The following CELSR1 variants were observed in gnomAD, a reference collection of about 807,000 sequenced individuals.
CELSR1 encodes adhesion G protein-coupled receptor C1.
In CELSR1, 110 loss-of-function variants were observed where a neutral mutation model predicts 249.1. The ratio of observed to expected loss-of-function variants is 0.44; its 90% CI spans 0.38 to 0.52. The LOEUF (loss-of-function observed/expected upper bound fraction) is 0.52, where lower values mean the gene tolerates loss of function less well. Ranked by LOEUF, CELSR1 falls within the 20% of genes least tolerant of loss-of-function variation. CELSR1 has a pLI of 0.00. For synonymous variants in CELSR1, 2,113 were observed against 1,900.0 expected (o/e 1.11, Z -2.92); for missense variants, 4,109 against 4,296.4 (o/e 0.96, Z 1.22).
intron 1 of CELSR1, chr22:46,481,537 G>T: frequency 7.6e-7 from 1 of 1,314,084 alleles, no homozygotes; most frequent in Non-Finnish European, 1.1e-6. Flanking sequence ...CAGCTCACTG[G>T]TGATCAAAGC....
Position 46,412,212 on chromosome 22 carries a change from GC to G in CELSR1, c.4612-454del, listed in dbSNP as rs1198794125. On this transcript the variant is annotated intron_variant, in intron 5 of 34. Transcript: ENST00000674500. The surrounding 1 kb of genome is among the most constrained non-coding windows in gnomAD (Gnocchi z 4.5). Reference sequence around the variant, plus strand: ...AAGGCAGGAAGGGTCCTCCCCTTCAGCCTTCGGAGGAGGCACGGCCCTACCC... The same window carrying G: ...AAGGCAGGAAGGGTCCTCCCCTTCAGCTTCGGAGGAGGCACGGCCCTACCC... Among the ~76,000 whole-genome samples the G allele has an allele frequency of 2.0e-5, 3 of 152,202 alleles. No individual in the cohort carries two copies. The highest frequency in any genetic ancestry group is 2.0e-4 in the Admixed American group (3 of 15,284).
At chr22:46,528,208 T>A (rs2080757468) in intron 1 of CELSR1, among the ~76,000 whole-genome samples, 1 of 152,108 alleles carries the variant, frequency 6.6e-6, no homozygotes, top group Non-Finnish European at 1.5e-5. Flanking sequence ...CCTACTTCCT[T>A]CTTTGCAATC....
Position 46,418,895 on chromosome 22 carries a change from G to C in CELSR1, c.4612-7136C>G, listed in dbSNP as rs114482612. Among the ~76,000 whole-genome samples the C allele has an allele frequency of 1.2e-3, 185 of 152,356 alleles. 2 individuals are homozygous for C. The highest frequency in any genetic ancestry group is 4.4e-3 in the African/African-American group (182 of 41,580). On this transcript the variant is annotated intron_variant, in intron 5 of 34. Transcript: ENST00000674500. The stretch of plus-strand genomic sequence containing the variant: ...AAAGTGAGGAGCTCTGTGCTTTCCT[G>C]ATGGACGTATACAGTACATTTGGAA...
At chr22:46,469,972 G>A (rs2147616062) in intron 1 of CELSR1, among the ~76,000 whole-genome samples, 1 of 144,922 alleles carries the variant, frequency 6.9e-6, no homozygotes, top group South Asian at 2.3e-4. Flanking sequence ...AGAAAGGGAG[G>A]GAGGGAGGAG....
chr22:46,367,716 G>T lies in CELSR1; in HGVS notation c.8079+13C>A, dbSNP rs767633474. The T allele has an allele frequency of 6.3e-7, 1 of 1,587,330 alleles. No individual in the cohort carries two copies. Among genetic ancestry groups the T allele is most frequent in the South Asian group, 1.2e-5 (1 of 86,924 alleles). ...CAGGCAGGGGTCCCGCGGGCAACTC[G>T]GCCGTCACCTACCTGTAAGCCGCTG... On this transcript the variant is annotated intron_variant, in intron 28 of 34. Coordinates refer to ENST00000674500, the MANE Select transcript of CELSR1 (RefSeq NM_001378328.1).
At position 46,440,793 on chromosome 22, in the gene CELSR1, T is replaced by C. The variant is rs891307632; in HGVS notation, c.4184-1382A>G. On this transcript the variant is annotated intron_variant, in intron 2 of 34. Coordinates refer to ENST00000674500, the MANE Select transcript of CELSR1 (RefSeq NM_001378328.1). This position sits in a 1 kb window ranked among gnomAD's most constrained non-coding sequence, Gnocchi z 4.7. Reference sequence around the variant, plus strand: ...TGTATTTGTAGCCCCACAGAAATTTTTTGTCTGTATGTGATCATATTTATC... The same window carrying C: ...TGTATTTGTAGCCCCACAGAAATTTCTTGTCTGTATGTGATCATATTTATC... 1.3e-5 allele frequency among the ~76,000 whole-genome samples: 2 copies of C among 152,208 alleles called. No homozygotes were observed. Among genetic ancestry groups the C allele is most frequent in the Admixed American group, 1.3e-4 (2 of 15,282 alleles).
At position 46,410,279 on chromosome 22, in the gene CELSR1, A is replaced by G. The variant is rs958837563; in HGVS notation, c.4933+119T>C. ...CCAGGAGCTGCCCACCGCTGGACAC[A>G]TACATTTCTAAGAAAAACACGGCTC... On this transcript the variant is annotated intron_variant, in intron 7 of 34. Transcript: ENST00000674500. The surrounding 1 kb of genome is among the most constrained non-coding windows in gnomAD (Gnocchi z 6.8). 27 of 1,305,222 alleles carry G rather than the reference A, an allele frequency of 2.1e-5. No homozygotes were observed. In the East Asian group the frequency reaches 3.5e-4, roughly 17 times the overall value. The allele number at this position is 1,305,222 out of a possible 1,614,324, so 80.9% of individuals were successfully genotyped here. A position where few individuals can be genotyped will look rare whatever the true frequency, so the allele number is the denominator to read the frequency against.
intron 1 of CELSR1, among the ~76,000 whole-genome samples, chr22:46,487,910 T>TGATGGGGGTATATGGGAGGGGG (rs2080331283): frequency 1.3e-5 from 1 of 77,000 alleles, no homozygotes; most frequent in African/African-American, 5.1e-5. Context: ...ATGGGAGGGC[T>TGATGGGGGTATATGGGAGGGGG]GTCCAGCTGA....
chr22:46,368,713 C>T (rs2078815887), intron 27 of CELSR1, among the ~76,000 whole-genome samples: 1 of 152,002 alleles, frequency 6.6e-6, no homozygotes, highest in Admixed American at 6.5e-5. Flanking sequence ...CCTCGAAGGT[C>T]CCCTCTCCTC....
rs556012836 is a variant in CELSR1, at chr22:46,411,895, G to C, written c.4612-136C>G. 1 of 1,109,566 alleles carries C rather than the reference G, an allele frequency of 9.0e-7. No homozygotes were observed. 68.7% of individuals were successfully genotyped at this position (1,109,566 alleles called of 1,614,324 possible). A position where few individuals can be genotyped will look rare whatever the true frequency, so the allele number is the denominator to read the frequency against. ...GTAGACAAGGGATGAGGAGCCCCCG[G>C]CCTTTAGTTCCCCAAACTAGCTGTG... On this transcript the variant is annotated intron_variant, in intron 5 of 34. Coordinates refer to ENST00000674500, the MANE Select transcript of CELSR1 (RefSeq NM_001378328.1). This position sits in a 1 kb window ranked among gnomAD's most constrained non-coding sequence, Gnocchi z 4.2.
At position 46,409,420 on chromosome 22, in the gene CELSR1, G is replaced by A. The variant is rs1569142424; in HGVS notation, c.5060-258C>T. On this transcript the variant is annotated intron_variant, in intron 8 of 34. Coordinates refer to ENST00000674500, the MANE Select transcript of CELSR1 (RefSeq NM_001378328.1). This position sits in a 1 kb window ranked among gnomAD's most constrained non-coding sequence, Gnocchi z 9.8. ...TGCAGGCTCCCAGCCACAGATGGGC[G>A]TGGTAAGGGGCTCTCAGGCTTGACA... is the stretch of plus-strand genomic sequence containing the variant. Among the ~76,000 whole-genome samples the A allele has an allele frequency of 1.3e-5, 2 of 152,200 alleles. No homozygotes were observed. The highest frequency in any genetic ancestry group is 6.5e-5 in the Admixed American group (1 of 15,280).
Position 46,391,082 on chromosome 22 carries a change from A to G in CELSR1, c.6250+104T>C. ...TTTCTCCCCAGCACTTTGCCTGCGG[A>G]TATTTTTTCAACACGAAACATTCCA... is the stretch of plus-strand genomic sequence containing the variant. On this transcript the variant is annotated intron_variant, in intron 16 of 34. Coordinates refer to ENST00000674500, the MANE Select transcript of CELSR1 (RefSeq NM_001378328.1). The surrounding 1 kb of genome is among the most constrained non-coding windows in gnomAD (Gnocchi z 4.3). 1.1e-6 allele frequency: 1 copy of G among 923,614 alleles called. No individual in the cohort carries two copies. Among genetic ancestry groups the G allele is most frequent in the Non-Finnish European group, 1.7e-6 (1 of 605,948 alleles). 57.2% of individuals were successfully genotyped at this position (923,614 alleles called of 1,614,324 possible).
chr22:46,424,315 G>A (rs537680022), intron 5 of CELSR1, among the ~76,000 whole-genome samples: 314 of 152,118 alleles, frequency 2.1e-3, no homozygotes, highest in Non-Finnish European at 3.3e-3. Flanking sequence ...CTGGGCTCAA[G>A]CAATCCTCCC....
rs528452978 is a variant in CELSR1 at position 46,393,342 on chromosome 22, G to A, written c.5964+800C>T. On this transcript the variant is annotated intron_variant, in intron 14 of 34. Transcript: ENST00000674500. The surrounding 1 kb of genome is among the most constrained non-coding windows in gnomAD (Gnocchi z 4.1). The stretch of plus-strand genomic sequence containing the variant: ...ACGAGATGTGAGCTCCGTGCTGCAT[G>A]CAGGTTAGGACTGACCGCCCTGGAC... Among the ~76,000 whole-genome samples, 19 of 152,366 alleles carry A rather than the reference G, an allele frequency of 1.2e-4. No individual in the cohort carries two copies. Among genetic ancestry groups the A allele is most frequent in the African/African-American group, 4.3e-4 (18 of 41,596 alleles).
intron 5 of CELSR1, among the ~76,000 whole-genome samples, chr22:46,415,730 T>C (rs1181477188): frequency 6.6e-6 from 1 of 152,114 alleles, no homozygotes; most frequent in Non-Finnish European, 1.5e-5. Flanking sequence ...TTCCCTGACA[T>C]GGAGAGAAAA....
intron 5 of CELSR1, among the ~76,000 whole-genome samples, chr22:46,431,573 C>T (rs2079596011): frequency 2.0e-5 from 3 of 152,212 alleles, no homozygotes; most frequent in Admixed American, 1.3e-4. Context: ...CCTTGGGAGG[C>T]ACCACCCCAG....
chr22:46,480,020 A>G (rs568074076), intron 1 of CELSR1, among the ~76,000 whole-genome samples: 51 of 152,350 alleles, frequency 3.3e-4, no homozygotes, highest in African/African-American at 1.1e-3. Context: ...TACAAAAACC[A>G]GGTTTTTCCA....
intron 9 of CELSR1, among the ~76,000 whole-genome samples, chr22:46,403,452 G>C (rs2147298131): frequency 6.6e-6 from 1 of 152,006 alleles, no homozygotes; most frequent in South Asian, 2.1e-4. Context: ...AGCTATTTGG[G>C]AGGCTGAGGC....
chr22:46,369,245 G>A lies in CELSR1; in HGVS notation c.7886C>T (p.Thr2629Ile), dbSNP rs748717228. ...IGAVIIINTV[T>I]SVLSAKVSCQ... Reference sequence around the variant, plus strand: ...GGAAACCTTTGCAGATAGGACAGAAGTGACTGTGTTGATCTGAAAACAAAA... The same window carrying A: ...GGAAACCTTTGCAGATAGGACAGAAATGACTGTGTTGATCTGAAAACAAAA... Residue 2629 changes from threonine to isoleucine, a missense_variant, in exon 27 of 35, where the codon ACT becomes ATT. Thr to Ile is a moderately conservative substitution (Grantham distance 89). Around this residue, in one of 7 missense-constraint regions of CELSR1, gnomAD observed 1,805 missense variants for 1,831.6 expected, o/e 0.99. Coordinates refer to ENST00000674500, the MANE Select transcript of CELSR1 (RefSeq NM_001378328.1). The A allele has an allele frequency of 1.2e-6, 2 of 1,613,718 alleles. No individual in the cohort carries two copies. The highest frequency in any genetic ancestry group is 8.5e-7 in the Non-Finnish European group (1 of 1,179,890).
Sources: gnomAD v4.1 joint callset for allele counts (sites outside exome capture counted in the v4.1 genomes callset) on GRCh38, gnomAD v4.1.1 for gene constraint, gnomAD v4.1.1 regional missense constraint, Gnocchi (gnomAD v3.1) non-coding constraint, MANE v1.5 for transcripts, NCBI Gene and HGNC (gene_info 2026-07-23, HGNC 2026-07-21) for gene names.